BTF3L4: variants seen among roughly 807,000 people sequenced by gnomAD.
BTF3L4 encodes transcription factor BTF3 homolog 4.
Under a neutral mutation model 16.8 loss-of-function variants are expected in BTF3L4, and 6 were observed. The ratio of observed to expected loss-of-function variants is 0.36; its 90% CI spans 0.20 to 0.71. The LOEUF (loss-of-function observed/expected upper bound fraction) is 0.71. Ranked by LOEUF, BTF3L4 falls within the 30% of genes least tolerant of loss-of-function variation. The probability of loss-of-function intolerance (pLI) is 0.58; values close to 1 mark genes in which losing one functional copy is unlikely to be tolerated. For synonymous variants in BTF3L4, 39 were observed against 59.8 expected (o/e 0.65, Z 1.60); for missense variants, 92 against 186.9 (o/e 0.49, Z 2.96).
intron 3 of BTF3L4, among the ~76,000 whole-genome samples, chr1:52,076,584 A>G (rs1686940885): frequency 2.0e-5 from 3 of 150,030 alleles, no homozygotes; most frequent in Non-Finnish European, 4.4e-5. Context: ...ACAGAGCGAG[A>G]TTCTGTCTCA....
intron 3 of BTF3L4, among the ~76,000 whole-genome samples, chr1:52,070,436 T>G (rs2124426952): frequency 6.9e-6 from 1 of 145,512 alleles, no homozygotes; most frequent in South Asian, 2.2e-4. Context: ...TGTCAGAAAC[T>G]AAAGGATAGG....
At chr1:52,074,726 C>T (rs1477606692) in intron 3 of BTF3L4, among the ~76,000 whole-genome samples, 3 of 152,074 alleles carry the variant, frequency 2.0e-5, no homozygotes, top group Non-Finnish European at 4.4e-5. Context: ...CCAGGCTGGT[C>T]TTGAACTCCT....
intron 4 of BTF3L4, 59 bp from the exon 5 acceptor site, chr1:52,086,053 A>T (rs192918316): frequency 8.4e-7 from 1 of 1,195,358 alleles, no homozygotes; most frequent in Non-Finnish European, 1.2e-6. Context: ...GATAAACATT[A>T]TAAGTTTTCT....
chr1:52,071,971 G>C (rs1444022702), intron 3 of BTF3L4, among the ~76,000 whole-genome samples: 1 of 133,016 alleles, frequency 7.5e-6, no homozygotes, highest in African/African-American at 2.7e-5. Context: ...GTGTGTGTGT[G>C]TGTAGATATA....
intron 3 of BTF3L4, among the ~76,000 whole-genome samples, chr1:52,074,957 A>G (rs746840267): frequency 5.0e-4 from 75 of 151,068 alleles, no homozygotes; most frequent in African/African-American, 1.7e-3. Context: ...AGGTCTCCCT[A>G]TGTTGCCCAG....
rs1202470098 is a variant in BTF3L4 at position 52,088,860 on chromosome 1, T to G, written c.*2102T>G. 7 of 152,016 alleles carry G rather than the reference T, an allele frequency of 4.6e-5. No homozygotes were observed. The highest frequency in any genetic ancestry group is 1.7e-4 in the African/African-American group (7 of 41,344). The allele number at this position is 152,016 out of a possible 1,614,324, so 9.4% of individuals were successfully genotyped here. Reference sequence around the variant, plus strand: ...GTTGTGGTCTCGGCTGACTGCAACCTCCACCTCCCAGATTCAAGCGATTCT... The same window carrying G: ...GTTGTGGTCTCGGCTGACTGCAACCGCCACCTCCCAGATTCAAGCGATTCT... On this transcript the variant is annotated 3_prime_UTR_variant, in exon 6 of 6. Coordinates refer to ENST00000313334, the MANE Select transcript of BTF3L4 (RefSeq NM_152265.5).
chr1:52,080,875 C>T (rs530933677), intron 3 of BTF3L4, among the ~76,000 whole-genome samples: 2 of 134,330 alleles, frequency 1.5e-5, no homozygotes, highest in Admixed American at 8.2e-5. Flanking sequence ...AAGTCTCACT[C>T]GGTAGCCAGG....
At chr1:52,072,022 T>TG (rs1323785751) in intron 3 of BTF3L4, among the ~76,000 whole-genome samples, 2 of 141,678 alleles carry the variant, frequency 1.4e-5, no homozygotes, top group African/African-American at 2.8e-5. Flanking sequence ...TAGCCAGGGT[T>TG]TTTTTTTGTT....
intron 3 of BTF3L4, 127 bp from the exon 4 acceptor site, chr1:52,083,213 C>G (rs1643941022): frequency 1.4e-6 from 1 of 719,830 alleles, no homozygotes; most frequent in Non-Finnish European, 2.4e-6. Context: ...CGTTGCTTGG[C>G]CAGTTACTAC....
At chr1:52,081,129 C>T (rs1006773042) in intron 3 of BTF3L4, among the ~76,000 whole-genome samples, 1 of 151,980 alleles carries the variant, frequency 6.6e-6, no homozygotes, top group African/African-American at 2.4e-5. Context: ...TGAGCCACCG[C>T]GCCTGCCCTA....
intron 2 of BTF3L4, among the ~76,000 whole-genome samples, chr1:52,064,246 C>T (rs1686589585): frequency 6.6e-6 from 1 of 152,146 alleles, no homozygotes; most frequent in Non-Finnish European, 1.5e-5. Flanking sequence ...TTTCCTGGAC[C>T]TTCTAATAAA....
At chr1:52,073,299 A>G (rs984080528) in intron 3 of BTF3L4, among the ~76,000 whole-genome samples, 6 of 152,088 alleles carry the variant, frequency 3.9e-5, no homozygotes, top group Admixed American at 3.3e-4. Context: ...AAAAATATGT[A>G]TCTGTATATC....
intron 3 of BTF3L4, among the ~76,000 whole-genome samples, chr1:52,070,712 C>T (rs1686767940): frequency 6.8e-6 from 1 of 146,716 alleles, no homozygotes; most frequent in Non-Finnish European, 1.5e-5. Flanking sequence ...TCTTGGCTCA[C>T]TGCAACCTAC....
chr1:52,070,919 G>A (rs1379861794), intron 3 of BTF3L4, among the ~76,000 whole-genome samples: 1 of 152,138 alleles, frequency 6.6e-6, no homozygotes, highest in Non-Finnish European at 1.5e-5. Context: ...GATTACAGGT[G>A]TGAGCCACTG....
intron 3 of BTF3L4, among the ~76,000 whole-genome samples, chr1:52,069,177 A>G (rs181301281): frequency 6.6e-6 from 1 of 152,332 alleles, no homozygotes; most frequent in East Asian, 1.9e-4. Flanking sequence ...GTACAAAGTA[A>G]TAATACAAGG....
chr1:52,085,759 T>C (rs1463806406), intron 4 of BTF3L4, among the ~76,000 whole-genome samples: 1 of 152,050 alleles, frequency 6.6e-6, no homozygotes, highest in Non-Finnish European at 1.5e-5. Flanking sequence ...CAGGGAGAAT[T>C]GCTTGAACTT....
intron 3 of BTF3L4, among the ~76,000 whole-genome samples, chr1:52,073,777 A>C (rs1401999971): frequency 6.7e-6 from 1 of 149,754 alleles, no homozygotes; most frequent in Non-Finnish European, 1.5e-5. Flanking sequence ...AGGCAGGTGG[A>C]TCATGAGGTC....
chr1:52,062,774 G>A (rs1024018474), intron 2 of BTF3L4, among the ~76,000 whole-genome samples: 5 of 152,178 alleles, frequency 3.3e-5, no homozygotes, highest in Admixed American at 6.5e-5. Context: ...GCAGCAGTCC[G>A]CAATCTTTTT....
At chr1:52,068,749 A>T (rs1432136925) in intron 3 of BTF3L4, among the ~76,000 whole-genome samples, 3 of 152,220 alleles carry the variant, frequency 2.0e-5, no homozygotes, top group African/African-American at 7.2e-5. Flanking sequence ...AGCACCTACC[A>T]TGCAGAATTC....
Sources: gnomAD v4.1 joint callset for allele counts (sites outside exome capture counted in the v4.1 genomes callset) on GRCh38, gnomAD v4.1.1 for gene constraint, MANE v1.5 for transcripts, NCBI Gene and HGNC (gene_info 2026-07-23, HGNC 2026-07-21) for gene names.